The following GRK3 variants were observed in gnomAD, a reference collection of about 807,000 sequenced individuals.
The protein encoded by GRK3 is adrenergic, beta, receptor kinase 2.
A neutral mutation model predicts 95.7 loss-of-function variants in GRK3; 54 were observed. The ratio of observed to expected loss-of-function variants is 0.56; its 90% CI spans 0.45 to 0.71. GRK3 has a LOEUF of 0.71. Among genes scored for constraint, GRK3 ranks in the 30% least tolerant of loss-of-function variants. GRK3 has a pLI of 0.00. For missense variants in GRK3, 649 were observed against 851.2 expected (o/e 0.76, Z 2.96); for synonymous variants, 281 against 290.8 (o/e 0.97, Z 0.34).
intron 4 of GRK3, among the ~76,000 whole-genome samples, chr22:25,662,041 A>G (rs1204033950): frequency 6.6e-6 from 1 of 152,250 alleles, no homozygotes; most frequent in African/African-American, 2.4e-5. Flanking sequence ...ATTGATAAAT[A>G]TAAATTTTAA....
intron 1 of GRK3, among the ~76,000 whole-genome samples, chr22:25,586,691 A>C (rs1258233682): frequency 6.6e-6 from 1 of 152,268 alleles, no homozygotes; most frequent in Non-Finnish European, 1.5e-5. Context: ...TTTCATGTGA[A>C]AAGGAAAGGG....
chr22:25,667,326 G>A (rs992623576), intron 5 of GRK3, among the ~76,000 whole-genome samples: 1 of 152,138 alleles, frequency 6.6e-6, no homozygotes, highest in Non-Finnish European at 1.5e-5. Context: ...AACTTGTGGG[G>A]CCCAGTGCAA....
intron 2 of GRK3, 22 bp from the exon 3 acceptor site, chr22:25,644,570 A>ATT: frequency 7.5e-7 from 1 of 1,330,330 alleles, no homozygotes; most frequent in Middle Eastern, 1.8e-4. Flanking sequence ...CCACCCTGAA[A>ATT]TTTTTTATTT....
chr22:25,704,483 C>T (rs1191277847), intron 15 of GRK3, among the ~76,000 whole-genome samples: 2 of 152,190 alleles, frequency 1.3e-5, no homozygotes, highest in Non-Finnish European at 2.9e-5. Context: ...GATCTCAGCT[C>T]ACTGCAACCT....
At chr22:25,568,098 A>G (rs1931556282) in intron 1 of GRK3, among the ~76,000 whole-genome samples, 1 of 152,246 alleles carries the variant, frequency 6.6e-6, no homozygotes, top group African/African-American at 2.4e-5. Flanking sequence ...GCCTACTGGG[A>G]GTAGTAAACT....
At chr22:25,688,045 G>T (rs1021473494) in intron 11 of GRK3, among the ~76,000 whole-genome samples, 11 of 152,094 alleles carry the variant, frequency 7.2e-5, no homozygotes, top group Non-Finnish European at 1.0e-4. Context: ...GGCCATCCTG[G>T]CTAACACAGT....
chr22:25,639,253 A>C (rs2084725906), intron 2 of GRK3, among the ~76,000 whole-genome samples: 1 of 152,216 alleles, frequency 6.6e-6, no homozygotes, highest in South Asian at 2.1e-4. Context: ...CTGCCTAAGA[A>C]ATCTTTTGCA....
intron 15 of GRK3, among the ~76,000 whole-genome samples, chr22:25,705,294 C>T (rs967454828): frequency 2.0e-5 from 3 of 152,108 alleles, no homozygotes; most frequent in Admixed American, 6.6e-5. Flanking sequence ...ATGCTTAACC[C>T]GGTCTTGCCT....
At chr22:25,617,521 A>G (rs968761063) in intron 2 of GRK3, among the ~76,000 whole-genome samples, 6 of 152,368 alleles carry the variant, frequency 3.9e-5, no homozygotes, top group African/African-American at 1.4e-4. Flanking sequence ...TTTTTAAAAC[A>G]ATTTAATTGA....
At chr22:25,693,949 G>A (rs991866773) in intron 12 of GRK3, among the ~76,000 whole-genome samples, 4 of 151,698 alleles carry the variant, frequency 2.6e-5, no homozygotes, top group South Asian at 2.1e-4. Context: ...GCGCCACCAC[G>A]CCTGGCTAAT....
chr22:25,671,908 A>G (rs1030885689), intron 6 of GRK3, among the ~76,000 whole-genome samples: 8 of 152,246 alleles, frequency 5.3e-5, no homozygotes, highest in African/African-American at 1.7e-4. Flanking sequence ...GATTTCAAAG[A>G]CTTAATATAG....
intron 2 of GRK3, among the ~76,000 whole-genome samples, chr22:25,626,749 G>A (rs546119030): frequency 1.1e-4 from 16 of 152,348 alleles, no homozygotes; most frequent in Non-Finnish European, 2.1e-4. Context: ...CTAACCACAA[G>A]CTGGTCGGGG....
At chr22:25,649,358 TC>T in intron 3 of GRK3, 1 of 598,608 alleles carries the variant, frequency 1.7e-6, no homozygotes, top group Non-Finnish European at 2.9e-6. Flanking sequence ...TAAACTGGAG[TC>T]CCAGATATGG....
intron 2 of GRK3, among the ~76,000 whole-genome samples, chr22:25,627,926 A>C (rs1002216040): frequency 2.0e-5 from 3 of 152,216 alleles, no homozygotes; most frequent in Admixed American, 2.0e-4. Context: ...AGAGGTGGAC[A>C]TACAGAGGAT....
intron 1 of GRK3, chr22:25,580,531 T>TATTGATTG (rs1041447543): frequency 6.6e-6 from 1 of 152,194 alleles, no homozygotes; most frequent in Non-Finnish European, 1.5e-5. Flanking sequence ...TGAGATTTGT[T>TATTGATTG]ATTGATTGAT....
At chr22:25,710,119 T>G (rs1217536164) in intron 16 of GRK3, 155 bp downstream of exon 16, 1 of 690,892 alleles carries the variant, frequency 1.4e-6, no homozygotes, top group Non-Finnish European at 2.7e-6. Context: ...CAGCATCCTG[T>G]GTCCACACTC....
intron 1 of GRK3, among the ~76,000 whole-genome samples, chr22:25,565,792 T>C (rs1045238444): frequency 6.6e-6 from 1 of 152,204 alleles, no homozygotes; most frequent in Non-Finnish European, 1.5e-5. Context: ...TCAGTATTCT[T>C]TTTGGTGCCA....
intron 2 of GRK3, among the ~76,000 whole-genome samples, chr22:25,611,639 C>A (rs2084497973): frequency 6.6e-6 from 1 of 152,088 alleles, no homozygotes; most frequent in African/African-American, 2.4e-5. Flanking sequence ...CTACTTAAAT[C>A]TTTTACCCAT....
In GRK3 at chr22:25,637,538, G is replaced by T. The variant is rs561646599; in HGVS notation, c.191-7054G>T. Among the ~76,000 whole-genome samples, 4 of 152,304 alleles carry T rather than the reference G, an allele frequency of 2.6e-5. 1 individual carries two copies. In the South Asian group the frequency reaches 8.3e-4, roughly 32 times the overall value. ...TTTCAGATAAGTTATGAATAAAGCT[G>T]CCATGAAGATTCCCTATACAAGTCT... is the stretch of plus-strand genomic sequence containing the variant. On this transcript the variant is annotated intron_variant, in intron 2 of 20. Coordinates refer to ENST00000324198, the MANE Select transcript of GRK3 (RefSeq NM_005160.4).
Sources: allele counts gnomAD v4.1 joint callset (sites outside exome capture counted in the v4.1 genomes callset), GRCh38; gene constraint gnomAD v4.1.1; transcripts MANE v1.5; gene names NCBI Gene and HGNC (gene_info 2026-07-23, HGNC 2026-07-21).